The following IGBP1 variants were observed in gnomAD, a reference collection of about 807,000 sequenced individuals.
The protein encoded by IGBP1 is immunoglobulin binding protein 1, also known as immunoglobulin-binding protein 1.
Under a neutral mutation model 25.9 loss-of-function variants are expected in IGBP1, and 2 were observed. The ratio of observed to expected loss-of-function variants is 0.08; its 90% confidence interval spans 0.03 to 0.24. The LOEUF (loss-of-function observed/expected upper bound fraction) is 0.24, where lower values mean the gene tolerates loss of function less well. Among genes scored for constraint, IGBP1 ranks in the 10% least tolerant of loss-of-function variants. The pLI is 1.00. For missense variants in IGBP1, 187 were observed against 260.4 expected (o/e 0.72, Z 1.94); for synonymous variants, 96 against 93.4 (o/e 1.03, Z -0.16).
At chrX:70,140,082 G>A (rs999731080) in intron 3 of IGBP1, among the ~76,000 whole-genome samples, 1 of 112,431 alleles carries the variant, frequency 8.9e-6, no homozygotes, top group African/African-American at 3.2e-5. Context: ...TCTTTAAGTA[G>A]TTAACAACTA....
At chrX:70,149,363 G>T (rs370856295) in intron 5 of IGBP1, among the ~76,000 whole-genome samples, 110 of 110,921 alleles carry the variant, frequency 9.9e-4, no homozygotes, top group Non-Finnish European at 1.6e-3. Context: ...TTAAAAATAG[G>T]CACACATGGG....
chrX:70,156,063 A>G (rs1338176106), intron 6 of IGBP1, among the ~76,000 whole-genome samples: 1 of 111,264 alleles, frequency 9.0e-6, no homozygotes, highest in African/African-American at 3.3e-5. Flanking sequence ...ACATTTACCC[A>G]TTAAGTTCTC....
rs1032702845 is a variant in IGBP1 at position 70,165,693 on chromosome X, C to T, written c.872-140C>T. 3 of 539,376 alleles carry T rather than the reference C, an allele frequency of 5.6e-6. No homozygotes were observed. In the African/African-American group the frequency reaches 7.0e-5, roughly 13 times the overall value. 44.5% of individuals were successfully genotyped at this position (539,376 alleles called of 1,213,427 possible). On this transcript the variant is annotated intron_variant, in intron 6 of 6. Transcript: ENST00000356413. ...GTAATGCAAGTTCTCTCCCCGCTTC[C>T]GCCGGGCTCAGGGTAGGCAGCTGGC...
intron 3 of IGBP1, among the ~76,000 whole-genome samples, chrX:70,139,265 G>C (rs1158176498): frequency 9.8e-6 from 1 of 102,290 alleles, no homozygotes; most frequent in Non-Finnish European, 2.0e-5. Context: ...AGCCGAGATC[G>C]CACCATTGCA....
intron 6 of IGBP1, among the ~76,000 whole-genome samples, chrX:70,153,973 G>A (rs1292397971): frequency 6.3e-5 from 7 of 111,194 alleles, no homozygotes; most frequent in African/African-American, 2.3e-4. Flanking sequence ...CCCTGATAGA[G>A]TATGAGAGGA....
At chrX:70,150,162 T>A (rs45446598) in intron 5 of IGBP1, 48 bp from the exon 6 acceptor site, 1 of 751,744 alleles carries the variant, frequency 1.3e-6, no homozygotes, top group Non-Finnish European at 2.1e-6. Context: ...TTTTGTTATT[T>A]TTGTTTTTTT....
chrX:70,154,714 C>CAAAAAAAAAAAAAAAAAAAAAAAAAA (rs762954223), intron 6 of IGBP1, among the ~76,000 whole-genome samples: 14 of 27,102 alleles, frequency 5.2e-4, no homozygotes, highest in African/African-American at 2.2e-3. Context: ...CCCCTCTCCA[C>CAAAAAAAAAAAAAAAAAAAAAAAAAA]AAAAAAAAAA....
chrX:70,151,707 G>A (rs141472956), intron 6 of IGBP1, among the ~76,000 whole-genome samples: 368 of 110,576 alleles, frequency 3.3e-3, no homozygotes, highest in African/African-American at 0.012. Context: ...GCGAAACCCC[G>A]TCGCTACCAA....
intron 6 of IGBP1, among the ~76,000 whole-genome samples, chrX:70,151,653 G>A (rs919782694): frequency 7.2e-5 from 8 of 111,307 alleles, no homozygotes; most frequent in African/African-American, 1.6e-4. Context: ...CGAGGCAGGC[G>A]GATTGCTTGA....
rs755416598 is a variant in IGBP1 at position 70,165,884 on chromosome X, A to G, written c.923A>G (p.Glu308Gly). The G allele has an allele frequency of 8.3e-7, 1 of 1,208,995 alleles. No homozygotes were observed. The highest frequency in any genetic ancestry group is 1.1e-6 in the Non-Finnish European group (1 of 893,388). ...QQQEEQEEKE[E>G]EDDEQTLHRA... Reference sequence around the variant, plus strand: ...CAGGAAGAACAAGAAGAAAAGGAGGAAGAGGATGATGAACAAACACTCCAC... The same window carrying G: ...CAGGAAGAACAAGAAGAAAAGGAGGGAGAGGATGATGAACAAACACTCCAC... Residue 308 changes from glutamate (E) to glycine (G), a missense_variant, in exon 7 of 7, where the codon GAA becomes GGA. Transcript: ENST00000356413.
chrX:70,148,101 GTGT>G (rs941441332), intron 4 of IGBP1, among the ~76,000 whole-genome samples: 42 of 112,006 alleles, frequency 3.7e-4, no homozygotes, highest in African/African-American at 1.2e-3. Flanking sequence ...TGTAATCGTT[GTGT>G]TGTTGTTGTT....
intron 3 of IGBP1, among the ~76,000 whole-genome samples, chrX:70,142,911 G>T (rs1189419396): frequency 2.1e-5 from 2 of 95,354 alleles, no homozygotes; most frequent in Non-Finnish European, 4.1e-5. Context: ...TGAAGTTATC[G>T]AGTTGTTTTT....
chrX:70,144,650 C>CTTTTTTT (rs138993842), intron 3 of IGBP1, among the ~76,000 whole-genome samples: 2 of 27,740 alleles, frequency 7.2e-5, no homozygotes, highest in African/African-American at 3.1e-4. Flanking sequence ...TGGTTCTTGA[C>CTTTTTTT]TTTTTTTTTT....
In IGBP1 at chrX:70,150,467, T is replaced by C. The variant is rs750121915; in HGVS notation, c.871+145T>C. 6.1e-6 allele frequency: 3 copies of C among 488,132 alleles called. No individual in the cohort carries two copies. The South Asian group carries it at 8.8e-5, about 14-fold the overall frequency. 40.2% of individuals were successfully genotyped at this position (488,132 alleles called of 1,213,427 possible). A position where few individuals can be genotyped will look rare whatever the true frequency, so the allele number is the denominator to read the frequency against. On this transcript the variant is annotated intron_variant, in intron 6 of 6. Transcript: ENST00000356413. ...AATAGAAAGATTCTAGACAGTACTA[T>C]GTTTATTATTAAATAGCAAATGGTT...
At chrX:70,152,856 C>T (rs142559277) in intron 6 of IGBP1, among the ~76,000 whole-genome samples, 2,210 of 111,137 alleles carry the variant, frequency 0.02, 60 homozygotes, top group African/African-American at 0.069. Context: ...GAATTATGTA[C>T]AAAGGTCTCA....
chrX:70,146,337 A>G (rs963096558), intron 3 of IGBP1, among the ~76,000 whole-genome samples: 1 of 110,547 alleles, frequency 9.0e-6, no homozygotes. Flanking sequence ...AGTAAAGGCC[A>G]GTATAATCAA....
chrX:70,148,299 C>G (rs186971814), intron 4 of IGBP1, among the ~76,000 whole-genome samples: 1 of 111,711 alleles, frequency 9.0e-6, no homozygotes, highest in African/African-American at 3.3e-5. Context: ...CCTTTGGGAA[C>G]ATTGACTTCT....
At chrX:70,144,095 G>T (rs1395415680) in intron 3 of IGBP1, among the ~76,000 whole-genome samples, 10 of 112,192 alleles carry the variant, frequency 8.9e-5, no homozygotes, top group Non-Finnish European at 1.7e-4. Flanking sequence ...GGCTGAGGCA[G>T]GAGAATCACT....
intron 6 of IGBP1, 27 bp downstream of exon 6, chrX:70,150,349 T>G: frequency 1.1e-6 from 1 of 929,978 alleles, no homozygotes; most frequent in East Asian, 3.1e-5. Flanking sequence ...GGGAAATAGT[T>G]GTACCACTGG....
Sources: allele counts gnomAD v4.1 joint callset (sites outside exome capture counted in the v4.1 genomes callset), GRCh38; gene constraint gnomAD v4.1.1; transcripts MANE v1.5; gene names NCBI Gene and HGNC (gene_info 2026-07-23, HGNC 2026-07-21).